The following SLC14A2 variants were observed in gnomAD, a reference collection of about 807,000 sequenced individuals.
The protein encoded by SLC14A2 is urea transporter 2.
Under a neutral mutation model 104.6 loss-of-function variants are expected in SLC14A2, and 91 were observed. The ratio of observed to expected loss-of-function variants is 0.87; its 90% CI spans 0.73 to 1.04. The LOEUF is 1.04. Among genes scored for constraint, SLC14A2 ranks in the 50% least tolerant of loss-of-function variants. The pLI is 0.00. For missense variants in SLC14A2, 1,189 were observed against 1,156.0 expected (o/e 1.03, Z -0.41); for synonymous variants, 476 against 466.4 (o/e 1.02, Z -0.27).
chr18:45,455,817 A>G (rs1408552196), intron 1 of SLC14A2, among the ~76,000 whole-genome samples: 1 of 152,194 alleles, frequency 6.6e-6, no homozygotes, highest in East Asian at 1.9e-4. Context: ...AGATACATTT[A>G]CGTATATTAG....
intron 3 of SLC14A2, 133 bp from the exon 4 acceptor site, chr18:45,626,825 G>A (rs1462810472): frequency 6.1e-5 from 11 of 178,866 alleles, no homozygotes; most frequent in South Asian, 4.4e-4. Flanking sequence ...CCTCCACCCC[G>A]ACCCCTGGCC....
chr18:45,676,509 C>T (rs572105130), intron 18 of SLC14A2, among the ~76,000 whole-genome samples: 2 of 151,874 alleles, frequency 1.3e-5, no homozygotes, highest in African/African-American at 4.9e-5. Flanking sequence ...AGATGTTACA[C>T]GGGTGGTTTT....
the SLC14A2 span, among the ~76,000 whole-genome samples, chr18:45,187,783 T>A: frequency 6.6e-6 from 1 of 151,258 alleles, no homozygotes; most frequent in Non-Finnish European, 1.5e-5. Context: ...ATAAATAAAT[T>A]AGTTGTTTGA....
chr18:45,368,898 C>T (rs2085693713), intron 1 of SLC14A2, among the ~76,000 whole-genome samples: 1 of 152,126 alleles, frequency 6.6e-6, no homozygotes, highest in South Asian at 2.1e-4. Flanking sequence ...CAAAATTTTT[C>T]AGCCATTCAG....
intron 1 of SLC14A2, among the ~76,000 whole-genome samples, chr18:45,214,154 A>G (rs1251623468): frequency 6.6e-6 from 1 of 152,222 alleles, no homozygotes; most frequent in Admixed American, 6.5e-5. Flanking sequence ...AGGAATTCAG[A>G]CAAGAAATAA....
At chr18:45,669,012 T>G in intron 15 of SLC14A2, among the ~76,000 whole-genome samples, 1 of 152,150 alleles carries the variant, frequency 6.6e-6, no homozygotes, top group African/African-American at 2.4e-5. Flanking sequence ...TGTGATTCCC[T>G]CCCCTCGGCC....
intron 1 of SLC14A2, among the ~76,000 whole-genome samples, chr18:45,426,094 T>G (rs2086422027): frequency 6.6e-6 from 1 of 152,164 alleles, no homozygotes. Flanking sequence ...CCAACTCTCC[T>G]GCTCACTCCT....
chr18:45,595,064 C>T (rs1198903972), intron 2 of SLC14A2, among the ~76,000 whole-genome samples: 10 of 152,304 alleles, frequency 6.6e-5, no homozygotes, highest in Non-Finnish European at 1.2e-4. Flanking sequence ...CCACATTAAC[C>T]ACCCGGAAAT....
intron 2 of SLC14A2, among the ~76,000 whole-genome samples, chr18:45,606,394 G>A (rs1445854352): frequency 2.0e-5 from 3 of 152,070 alleles, no homozygotes; most frequent in Non-Finnish European, 4.4e-5. Flanking sequence ...TTGGGGCAGG[G>A]TTGCGGGAGG....
At chr18:45,642,921 G>T (rs1178249712) in intron 8 of SLC14A2, among the ~76,000 whole-genome samples, 1 of 152,254 alleles carries the variant, frequency 6.6e-6, no homozygotes, top group Non-Finnish European at 1.5e-5. Context: ...CCCGAAGAAT[G>T]AACAGTCTGG....
intron 4 of SLC14A2, among the ~76,000 whole-genome samples, 157 bp from the exon 5 acceptor site, chr18:45,632,193 T>C (rs960442327): frequency 2.6e-5 from 4 of 152,010 alleles, no homozygotes; most frequent in Non-Finnish European, 2.9e-5. Flanking sequence ...TGCTGGCAGC[T>C]ATGTGACTGC....
the SLC14A2 span, among the ~76,000 whole-genome samples, chr18:45,197,339 CCTT>C: frequency 1.3e-5 from 2 of 152,168 alleles, no homozygotes; most frequent in East Asian, 3.8e-4. Context: ...ACATAAAAGA[CCTT>C]CTATGTTCAG....
intron 1 of SLC14A2, among the ~76,000 whole-genome samples, chr18:45,453,506 G>A (rs1310764582): frequency 6.6e-6 from 1 of 152,146 alleles, no homozygotes; most frequent in African/African-American, 2.4e-5. Flanking sequence ...GTGCTGTGTT[G>A]AGCCAGATTG....
chr18:45,361,489 G>C (rs533365575), intron 1 of SLC14A2, among the ~76,000 whole-genome samples: 1 of 152,130 alleles, frequency 6.6e-6, no homozygotes, highest in Non-Finnish European at 1.5e-5. Flanking sequence ...AAGGAAAAGG[G>C]CACCTCTACA....
At chr18:45,252,456 G>C (rs187634330) in intron 1 of SLC14A2, among the ~76,000 whole-genome samples, 1 of 152,264 alleles carries the variant, frequency 6.6e-6, no homozygotes, top group East Asian at 1.9e-4. Flanking sequence ...TGAATGTAAA[G>C]AACATATTAA....
intron 2 of SLC14A2, among the ~76,000 whole-genome samples, chr18:45,533,942 C>T (rs2043740145): frequency 6.6e-6 from 1 of 152,100 alleles, no homozygotes; most frequent in Admixed American, 6.6e-5. Flanking sequence ...TAAAGCCAAA[C>T]ATTCCAGGCC....
intron 2 of SLC14A2, among the ~76,000 whole-genome samples, chr18:45,509,986 C>A (rs751702237): frequency 6.6e-6 from 1 of 152,154 alleles, no homozygotes; most frequent in Non-Finnish European, 1.5e-5. Flanking sequence ...AGGGGTTGCC[C>A]ATAATCCTAC....
chr18:45,493,226 A>G (rs761882638), intron 2 of SLC14A2: 8 of 152,230 alleles, frequency 5.3e-5, no homozygotes, highest in Non-Finnish European at 1.0e-4. Context: ...ACCTTACACC[A>G]TCTGGCCTAA....
chr18:45,246,787 G>C (rs2084371614), intron 1 of SLC14A2, among the ~76,000 whole-genome samples: 1 of 152,096 alleles, frequency 6.6e-6, no homozygotes, highest in East Asian at 1.9e-4. Context: ...GAGGCAGGCA[G>C]ATCACGAGGT....
Sources: gnomAD v4.1 joint callset for allele counts (sites outside exome capture counted in the v4.1 genomes callset) on GRCh38, gnomAD v4.1.1 for gene constraint, MANE v1.5 for transcripts, NCBI Gene and HGNC (gene_info 2026-07-23, HGNC 2026-07-21) for gene names.